Variants in STK3 observed in about 807,000 individuals in gnomAD.
STK3 encodes serine/threonine-protein kinase 3.
Under a neutral mutation model 58.0 loss-of-function variants are expected in STK3, and 41 were observed. That is an observed-to-expected ratio of 0.71 (90% CI 0.55 to 0.92). The LOEUF (loss-of-function observed/expected upper bound fraction) is 0.92. Ranked by LOEUF, STK3 falls within the 40% of genes least tolerant of loss-of-function variation. The pLI is 0.00. For synonymous variants in STK3, 170 were observed against 191.0 expected (o/e 0.89, Z 0.91); for missense variants, 479 against 602.7 (o/e 0.79, Z 2.15).
chr8:98,702,574 T>TTAGG, intron 6 of STK3, among the ~76,000 whole-genome samples: 1 of 152,166 alleles, frequency 6.6e-6, no homozygotes, highest in South Asian at 2.1e-4. Flanking sequence ...CAATACTACT[T>TTAGG]TACAAACAGG....
chr8:98,854,851 G>A (rs1308546396), intron 3 of STK3, among the ~76,000 whole-genome samples: 1 of 152,100 alleles, frequency 6.6e-6, no homozygotes, highest in Non-Finnish European at 1.5e-5. Context: ...GAGGTCAAGA[G>A]TTTGAGACTA....
At chr8:98,858,323 TAGAGAG>T (rs1554691273) in intron 3 of STK3, among the ~76,000 whole-genome samples, 14 of 16,276 alleles carry the variant, frequency 8.6e-4, no homozygotes, top group South Asian at 6.9e-3. Flanking sequence ...TATATATATA[TAGAGAG>T]AGAGAGAGAG....
chr8:98,653,974 C>T (rs527450304), intron 6 of STK3, among the ~76,000 whole-genome samples: 2 of 152,350 alleles, frequency 1.3e-5, no homozygotes, highest in South Asian at 4.1e-4. Flanking sequence ...TCCTCCCTAA[C>T]TCATTTTATG....
chr8:98,878,829 G>A (rs912946337), downstream of STK3: 2 of 152,064 alleles, frequency 1.3e-5, no homozygotes, highest in South Asian at 2.1e-4. Flanking sequence ...AAAGTGCTGG[G>A]ATTACAGGGG....
intron 1 of STK3, among the ~76,000 whole-genome samples, chr8:98,897,421 G>T (rs1838494652): frequency 6.6e-6 from 1 of 152,204 alleles, no homozygotes; most frequent in African/African-American, 2.4e-5. Context: ...TTAACCGGGC[G>T]TGGTCACGGC....
chr8:98,355,226 G>T, the STK3 span, among the ~76,000 whole-genome samples: 3 of 152,226 alleles, frequency 2.0e-5, no homozygotes, highest in African/African-American at 7.2e-5. Flanking sequence ...CTGGTATTAC[G>T]TGTCTGTGTG....
chr8:98,697,909 G>A (rs1249675798), intron 6 of STK3, among the ~76,000 whole-genome samples: 1 of 152,086 alleles, frequency 6.6e-6, no homozygotes, highest in Non-Finnish European at 1.5e-5. Flanking sequence ...TTCAATTCCT[G>A]GATATCCTTG....
chr8:98,490,939 G>A (rs1348300259), intron 10 of STK3, among the ~76,000 whole-genome samples: 3 of 152,144 alleles, frequency 2.0e-5, no homozygotes, highest in Non-Finnish European at 4.4e-5. Context: ...GATAGAAGCA[G>A]GTTTGGAAAC....
intron 3 of STK3, among the ~76,000 whole-genome samples, chr8:98,855,273 T>TACTACAAAGC (rs1429967866): frequency 8.5e-5 from 13 of 152,158 alleles, no homozygotes; most frequent in African/African-American, 3.1e-4. Context: ...TTTCAAAACT[T>TACTACAAAGC]ACTACAAAGC....
chr8:98,759,765 C>CTACT (rs1428063681), intron 3 of STK3, among the ~76,000 whole-genome samples: 1 of 152,122 alleles, frequency 6.6e-6, no homozygotes, highest in African/African-American at 2.4e-5. Context: ...TTGACTAAGC[C>CTACT]AGTATATGGA....
chr8:98,911,978 A>G (rs1380317013), intron 1 of STK3, among the ~76,000 whole-genome samples: 1 of 152,226 alleles, frequency 6.6e-6, no homozygotes, highest in Non-Finnish European at 1.5e-5. Flanking sequence ...GAATTTGTCT[A>G]TACAACATTA....
At chr8:98,361,256 C>A in the STK3 span, among the ~76,000 whole-genome samples, 1 of 152,136 alleles carries the variant, frequency 6.6e-6, no homozygotes, top group African/African-American at 2.4e-5. Context: ...GCAGACCAGG[C>A]CTTGCCTCCT....
At chr8:98,816,203 A>C (rs1159929426) in intron 1 of STK3, among the ~76,000 whole-genome samples, 1 of 152,240 alleles carries the variant, frequency 6.6e-6, no homozygotes, top group Non-Finnish European at 1.5e-5. Flanking sequence ...CTAAAGATTA[A>C]AAGTGACAAC....
chr8:98,441,516 T>C (rs1311965900), intron 1 of STK3, among the ~76,000 whole-genome samples: 3 of 152,202 alleles, frequency 2.0e-5, no homozygotes, highest in African/African-American at 7.2e-5. Context: ...CAGAGCTGGG[T>C]TCTAGCCCCC....
At chr8:98,605,646 T>C (rs930629296) in intron 6 of STK3, among the ~76,000 whole-genome samples, 1 of 152,140 alleles carries the variant, frequency 6.6e-6, no homozygotes, top group African/African-American at 2.4e-5. Context: ...TTATCACAAA[T>C]GTAGTGGTTC....
At chr8:98,359,216 G>A in the STK3 span, among the ~76,000 whole-genome samples, 6 of 151,758 alleles carry the variant, frequency 4.0e-5, no homozygotes, top group Admixed American at 6.6e-5. Context: ...TGATGAAAAG[G>A]AGAAATGAGT....
At chr8:98,753,890 C>T (rs1045945881) in intron 3 of STK3, among the ~76,000 whole-genome samples, 5 of 152,106 alleles carry the variant, frequency 3.3e-5, no homozygotes, top group Admixed American at 2.6e-4. Flanking sequence ...TAGTTTTCTC[C>T]CCTGTTCTAG....
chr8:98,442,865 T>C (rs771816497), intron 1 of STK3, among the ~76,000 whole-genome samples: 15 of 152,216 alleles, frequency 9.9e-5, no homozygotes, highest in African/African-American at 1.7e-4. Context: ...TTTTTAGTAC[T>C]GTGGTTGGGT....
intron 9 of STK3, among the ~76,000 whole-genome samples, chr8:98,530,085 C>T (rs905985900): frequency 6.6e-6 from 1 of 152,166 alleles, no homozygotes; most frequent in African/African-American, 2.4e-5. Flanking sequence ...ATGTAAGTCA[C>T]ATAAATTTTT....
Sources: gnomAD v4.1 joint callset for allele counts (sites outside exome capture counted in the v4.1 genomes callset) on GRCh38, gnomAD v4.1.1 for gene constraint, MANE v1.5 for transcripts, NCBI Gene and HGNC (gene_info 2026-07-23, HGNC 2026-07-21) for gene names.